The following EXT1 variants were observed in gnomAD, a reference collection of about 807,000 sequenced individuals.
EXT1 encodes the protein exostosin-1.
EXT1 carries 20 observed loss-of-function variants against 82.5 expected under a neutral mutation model. That is an observed-to-expected ratio of 0.24 (90% confidence interval 0.17 to 0.35). EXT1 has a LOEUF of 0.35. EXT1 is among the 10% of genes least tolerant of loss of function. The pLI is 1.00. For synonymous variants in EXT1, 348 were observed against 350.8 expected (o/e 0.99, Z 0.09); for missense variants, 757 against 936.5 (o/e 0.81, Z 2.50).
chr8:117,872,867 T>G (rs905387485), intron 1 of EXT1, among the ~76,000 whole-genome samples: 25 of 149,980 alleles, frequency 1.7e-4, no homozygotes, highest in African/African-American at 5.6e-4. Context: ...CAGTTTAGGG[T>G]TGAGGAAGCC....
At chr8:117,913,545 C>A (rs1487512230) in intron 1 of EXT1, among the ~76,000 whole-genome samples, 1 of 152,206 alleles carries the variant, frequency 6.6e-6, no homozygotes, top group Non-Finnish European at 1.5e-5. Flanking sequence ...AGTACAGCCT[C>A]TTTTCCAGAG....
At chr8:117,903,138 G>A (rs1813480765) in intron 1 of EXT1, among the ~76,000 whole-genome samples, 1 of 152,208 alleles carries the variant, frequency 6.6e-6, no homozygotes, top group Non-Finnish European at 1.5e-5. Flanking sequence ...AGGGAAGCAT[G>A]AGACCATGCA....
intron 1 of EXT1, among the ~76,000 whole-genome samples, chr8:118,013,875 C>T (rs997169220): frequency 1.3e-5 from 2 of 152,158 alleles, no homozygotes; most frequent in Admixed American, 1.3e-4. Flanking sequence ...TACCTGGCAA[C>T]TCTTGTCATG....
chr8:118,068,023 G>A (rs1345277514), intron 1 of EXT1, among the ~76,000 whole-genome samples: 3 of 152,142 alleles, frequency 2.0e-5, no homozygotes, highest in Non-Finnish European at 2.9e-5. Flanking sequence ...TACCTGAGAA[G>A]GGCCCCCACT....
intron 1 of EXT1, among the ~76,000 whole-genome samples, chr8:118,066,631 G>C (rs1816993801): frequency 6.6e-6 from 1 of 152,136 alleles, no homozygotes; most frequent in Non-Finnish European, 1.5e-5. Flanking sequence ...AAATTGCTGG[G>C]ATTACACATG....
At chr8:118,031,417 A>AG (rs756695489) in intron 1 of EXT1, among the ~76,000 whole-genome samples, 2 of 151,868 alleles carry the variant, frequency 1.3e-5, no homozygotes, top group Non-Finnish European at 2.9e-5. Context: ...CCCAGCCACT[A>AG]GGGAGGCTGA....
chr8:118,084,744 C>T (rs1817388585), intron 1 of EXT1, among the ~76,000 whole-genome samples: 1 of 152,190 alleles, frequency 6.6e-6, no homozygotes, highest in African/African-American at 2.4e-5. Flanking sequence ...TGTTCAAATC[C>T]TACTCCGCCC....
At chr8:118,025,714 A>G (rs1816190233) in intron 1 of EXT1, among the ~76,000 whole-genome samples, 1 of 152,216 alleles carries the variant, frequency 6.6e-6, no homozygotes, top group Non-Finnish European at 1.5e-5. Context: ...CACAGGAGAA[A>G]AAAATGTGAT....
At chr8:117,958,080 C>T (rs1383369782) in intron 1 of EXT1, among the ~76,000 whole-genome samples, 1 of 151,578 alleles carries the variant, frequency 6.6e-6, no homozygotes, top group African/African-American at 2.4e-5. Flanking sequence ...CTTTAACAAA[C>T]TGAATACCCA....
intron 1 of EXT1, among the ~76,000 whole-genome samples, chr8:117,859,932 A>G (rs1407491806): frequency 6.6e-6 from 1 of 152,090 alleles, no homozygotes; most frequent in Non-Finnish European, 1.5e-5. Flanking sequence ...AGATCACCTG[A>G]GGTCAGGAGT....
At chr8:118,064,960 C>G (rs1816951787) in intron 1 of EXT1, among the ~76,000 whole-genome samples, 1 of 150,570 alleles carries the variant, frequency 6.6e-6, no homozygotes, top group African/African-American at 2.4e-5. Flanking sequence ...TCAAGCGATT[C>G]TCCTGCCTCA....
chr8:118,028,630 A>AT (rs1400247105), intron 1 of EXT1, among the ~76,000 whole-genome samples: 1 of 152,050 alleles, frequency 6.6e-6, no homozygotes, highest in African/African-American at 2.4e-5. Flanking sequence ...AAAAAATAAA[A>AT]TAAAAAAAAA....
Position 118,110,385 on chromosome 8 carries a change from A to C in EXT1, c.662T>G (p.Ile221Ser), listed in dbSNP as rs751926824. Residue 221 changes from isoleucine to serine, a missense_variant, in exon 1 of 11, where the codon ATC becomes AGC. Coordinates refer to ENST00000378204, the MANE Select transcript of EXT1 (RefSeq NM_000127.3). The part of the protein sequence containing the change: ...IGQAMLAKAS[I>S]STENFRPNFD... ...GTTGGGTCGGAAGTTTTCAGTACTG[A>C]TGCTGGCTTTGGCCAGCATCGCCTG... 1.9e-6 allele frequency: 3 copies of C among 1,614,166 alleles called. No individual in the cohort carries two copies. Among genetic ancestry groups the C allele is most frequent in the South Asian group, 1.1e-5 (1 of 91,078 alleles).
At chr8:117,801,916 A>G (rs990904870) in intron 10 of EXT1, among the ~76,000 whole-genome samples, 8 of 152,232 alleles carry the variant, frequency 5.3e-5, no homozygotes, top group Non-Finnish European at 1.0e-4. Flanking sequence ...ATTCCTATTC[A>G]AAAAATTTTT....
At chr8:118,074,015 C>T (rs868393536) in intron 1 of EXT1, among the ~76,000 whole-genome samples, 60 of 152,116 alleles carry the variant, frequency 3.9e-4, no homozygotes, top group African/African-American at 1.3e-3. Flanking sequence ...CCTCACCTTT[C>T]AGACGCTTCC....
rs529330429 is a variant in EXT1, at chr8:117,914,349, C to A, written c.963-77148G>T. ...AGGACCACTGTGATAATTGTGTTAA[C>A]GGTATAAATTGATTGTAAAACGTGT... On this transcript the variant is annotated intron_variant, in intron 1 of 10. Transcript: ENST00000378204. Among the ~76,000 whole-genome samples, 12 of 152,162 alleles carry A rather than the reference C, an allele frequency of 7.9e-5. No individual in the cohort carries two copies. In the East Asian group the frequency reaches 1.7e-3, roughly 22 times the overall value.
chr8:118,091,732 G>T (rs1024010374), intron 1 of EXT1, among the ~76,000 whole-genome samples: 1 of 151,898 alleles, frequency 6.6e-6, no homozygotes, highest in Non-Finnish European at 1.5e-5. Flanking sequence ...GCGACAGAGC[G>T]AGACTCCATC....
intron 1 of EXT1, among the ~76,000 whole-genome samples, chr8:117,909,392 T>G (rs929394504): frequency 6.6e-6 from 1 of 152,192 alleles, no homozygotes; most frequent in Admixed American, 6.5e-5. Context: ...TAGTATGTAA[T>G]AAAAGGAGAA....
At chr8:117,880,011 A>C (rs1372792693) in intron 1 of EXT1, among the ~76,000 whole-genome samples, 1 of 152,214 alleles carries the variant, frequency 6.6e-6, no homozygotes, top group African/African-American at 2.4e-5. Context: ...GAAAATAATG[A>C]GTTAGCCTTT....
Sources: allele counts gnomAD v4.1 joint callset (sites outside exome capture counted in the v4.1 genomes callset), GRCh38; gene constraint gnomAD v4.1.1; transcripts MANE v1.5; gene names NCBI Gene and HGNC (gene_info 2026-07-23, HGNC 2026-07-21).